The following SLC25A13 variants were observed in gnomAD, a reference collection of about 807,000 sequenced individuals.
SLC25A13 encodes the protein solute carrier family 25 member 13.
A neutral mutation model predicts 85.5 loss-of-function variants in SLC25A13; 70 were observed. The observed-to-expected ratio is 0.82, with a 90% CI of 0.68 to 1.00. SLC25A13 has a LOEUF of 1.00. Among genes scored for constraint, SLC25A13 ranks in the 50% least tolerant of loss-of-function variants. The pLI, the probability that SLC25A13 is intolerant of heterozygous loss-of-function variation, is 0.00. For missense variants in SLC25A13, 765 were observed against 819.8 expected (o/e 0.93, Z 0.82); for synonymous variants, 259 against 288.7 (o/e 0.90, Z 1.04).
intron 11 of SLC25A13, among the ~76,000 whole-genome samples, chr7:96,171,838 C>A (rs1261835532): frequency 2.0e-5 from 3 of 152,138 alleles, no homozygotes; most frequent in Admixed American, 6.5e-5. Flanking sequence ...AATCAGTGGA[C>A]CACTTGATTT....
intron 7 of SLC25A13, among the ~76,000 whole-genome samples, chr7:96,190,423 A>G (rs1167964806): frequency 6.6e-6 from 1 of 151,702 alleles, no homozygotes; most frequent in African/African-American, 2.4e-5. Flanking sequence ...TACAATGCTG[A>G]TAATATCCTG....
At chr7:96,164,973 T>G (rs1320135859) in intron 13 of SLC25A13, among the ~76,000 whole-genome samples, 1 of 152,186 alleles carries the variant, frequency 6.6e-6, no homozygotes, top group African/African-American at 2.4e-5. Context: ...GAGTCCATTA[T>G]CAGATTTGTC....
chr7:96,292,835 A>G (rs1280100147), intron 2 of SLC25A13, among the ~76,000 whole-genome samples: 1 of 152,198 alleles, frequency 6.6e-6, no homozygotes, highest in Non-Finnish European at 1.5e-5. Flanking sequence ...AATCAATATC[A>G]TGAAAATGGC....
chr7:96,249,063 C>A (rs76156001), intron 3 of SLC25A13, among the ~76,000 whole-genome samples: 2 of 152,140 alleles, frequency 1.3e-5, no homozygotes, highest in Admixed American at 1.3e-4. Context: ...CTCAGCTGCT[C>A]GGAAGGCTAA....
At chr7:96,182,337 G>A (rs1794448569) in intron 11 of SLC25A13, among the ~76,000 whole-genome samples, 1 of 152,162 alleles carries the variant, frequency 6.6e-6, no homozygotes, top group Non-Finnish European at 1.5e-5. Flanking sequence ...AAAGATATCA[G>A]GAAGAAATGA....
At chr7:96,197,357 C>T (rs1309642652) in intron 5 of SLC25A13, among the ~76,000 whole-genome samples, 1 of 152,132 alleles carries the variant, frequency 6.6e-6, no homozygotes, top group Non-Finnish European at 1.5e-5. Context: ...GATTGTTTTA[C>T]CAATAGTAGC....
chr7:96,312,801 G>A (rs1799995838), intron 1 of SLC25A13, among the ~76,000 whole-genome samples: 1 of 152,166 alleles, frequency 6.6e-6, no homozygotes, highest in African/African-American at 2.4e-5. Flanking sequence ...TCAAAAGCAA[G>A]GGGATCAGTG....
chr7:96,184,195 T>G, intron 11 of SLC25A13, 82 bp downstream of exon 11: 1 of 1,513,842 alleles, frequency 6.6e-7, no homozygotes, highest in South Asian at 1.1e-5. Context: ...GCAGTCTTGC[T>G]AATTCATGTC....
chr7:96,196,805 G>A (rs920685829), intron 5 of SLC25A13, among the ~76,000 whole-genome samples: 5 of 152,196 alleles, frequency 3.3e-5, no homozygotes, highest in Non-Finnish European at 5.9e-5. Context: ...TTCTGAAGAC[G>A]TGGGTTGCCT....
chr7:96,193,666 T>G (rs1332104290), intron 5 of SLC25A13, among the ~76,000 whole-genome samples: 1 of 152,216 alleles, frequency 6.6e-6, no homozygotes, highest in African/African-American at 2.4e-5. Context: ...CTGCTATTTC[T>G]CCAACACAGG....
At chr7:96,304,864 C>G (rs960832076) in intron 1 of SLC25A13, among the ~76,000 whole-genome samples, 4 of 152,288 alleles carry the variant, frequency 2.6e-5, no homozygotes, top group African/African-American at 7.2e-5. Flanking sequence ...GACTTATCGA[C>G]AAGTGGTTGG....
intron 1 of SLC25A13, 125 bp downstream of exon 1, chr7:96,321,817 C>T (rs1407977965): frequency 3.2e-6 from 4 of 1,258,180 alleles, no homozygotes; most frequent in Admixed American, 6.0e-5. Flanking sequence ...CAAGGTGGAA[C>T]GGCTGCCCGG....
intron 13 of SLC25A13, among the ~76,000 whole-genome samples, chr7:96,169,095 A>T (rs1310742293): frequency 1.3e-5 from 2 of 152,206 alleles, no homozygotes; most frequent in African/African-American, 4.8e-5. Context: ...AATTCCATCC[A>T]TCTCTAAAGA....
chr7:96,205,158 T>C (rs1351899197), intron 5 of SLC25A13, among the ~76,000 whole-genome samples: 1 of 152,174 alleles, frequency 6.6e-6, no homozygotes, highest in Non-Finnish European at 1.5e-5. Context: ...TCCACCCGCC[T>C]CGGCCTCCCA....
chr7:96,218,748 G>C (rs1795991264), intron 4 of SLC25A13, among the ~76,000 whole-genome samples: 1 of 152,106 alleles, frequency 6.6e-6, no homozygotes. Flanking sequence ...AAACACAAAA[G>C]GGATGTTTGT....
chr7:96,222,312 G>A (rs928078581), intron 4 of SLC25A13, among the ~76,000 whole-genome samples: 1 of 152,190 alleles, frequency 6.6e-6, no homozygotes, highest in African/African-American at 2.4e-5. Flanking sequence ...CTGCAGTGGC[G>A]AGCCAGCCCA....
At chr7:96,275,881 T>G (rs1432519335) in intron 3 of SLC25A13, among the ~76,000 whole-genome samples, 1 of 151,918 alleles carries the variant, frequency 6.6e-6, no homozygotes, top group African/African-American at 2.4e-5. Flanking sequence ...AAACTTAAAG[T>G]ATAATAAAAA....
intron 4 of SLC25A13, among the ~76,000 whole-genome samples, chr7:96,211,829 C>T (rs549623142): frequency 6.6e-6 from 1 of 152,178 alleles, no homozygotes; most frequent in Non-Finnish European, 1.5e-5. Flanking sequence ...CAGTCAACAT[C>T]GTTTATCAAA....
intron 15 of SLC25A13, among the ~76,000 whole-genome samples, chr7:96,125,753 GTT>G (rs753445974): frequency 2.9e-5 from 4 of 136,826 alleles, no homozygotes; most frequent in Non-Finnish European, 6.4e-5. Flanking sequence ...TTCTAGAGGG[GTT>G]TTTTTTTTTT....
Sources: gnomAD v4.1 joint callset for allele counts (sites outside exome capture counted in the v4.1 genomes callset) on GRCh38, gnomAD v4.1.1 for gene constraint, MANE v1.5 for transcripts, NCBI Gene and HGNC (gene_info 2026-07-23, HGNC 2026-07-21) for gene names.